Variants in LRBA observed in about 807,000 individuals in gnomAD.
LRBA encodes lipopolysaccharide-responsive and beige-like anchor protein.
In LRBA, 176 loss-of-function variants were observed where a neutral mutation model predicts 330.0. That is an observed-to-expected ratio of 0.53 (90% confidence interval 0.47 to 0.60). The LOEUF (loss-of-function observed/expected upper bound fraction) is 0.60. Among genes scored for constraint, LRBA ranks in the 20% least tolerant of loss-of-function variants. LRBA has a pLI of 0.00. For synonymous variants in LRBA, 1,230 were observed against 1,193.0 expected, an observed-to-expected ratio of 1.03 and a Z score of -0.64; for missense variants, 3,259 against 3,444.8, an observed-to-expected ratio of 0.95 and a Z score of 1.35.
intron 36 of LRBA, among the ~76,000 whole-genome samples, chr4:150,723,288 A>G (rs187510601): frequency 6.6e-6 from 1 of 152,296 alleles, no homozygotes; most frequent in East Asian, 1.9e-4. Context: ...TAGCAATGAA[A>G]GTTACTCCTT....
chr4:150,552,987 T>C (rs1320476798), intron 40 of LRBA, among the ~76,000 whole-genome samples: 1 of 150,634 alleles, frequency 6.6e-6, no homozygotes, highest in African/African-American at 2.5e-5. Context: ...GAGAATGGCA[T>C]GAACCCGGGA....
chr4:150,404,832 GA>G (rs2151935130), intron 47 of LRBA, among the ~76,000 whole-genome samples: 1 of 152,262 alleles, frequency 6.6e-6, no homozygotes, highest in South Asian at 2.1e-4. Flanking sequence ...TTCTACCATG[GA>G]TGTAGCATAT....
intron 34 of LRBA, among the ~76,000 whole-genome samples, chr4:150,769,746 G>A (rs1736297273): frequency 6.6e-6 from 1 of 152,190 alleles, no homozygotes; most frequent in Non-Finnish European, 1.5e-5. Context: ...TAAACAGCCT[G>A]TGACCCAAAT....
intron 37 of LRBA, among the ~76,000 whole-genome samples, chr4:150,677,894 AG>A (rs1782706128): frequency 2.0e-5 from 3 of 152,136 alleles, no homozygotes; most frequent in African/African-American, 4.8e-5. Flanking sequence ...GCCTGTAATT[AG>A]TACATCACAA....
chr4:150,423,269 C>G (rs1240131847), intron 46 of LRBA: 1 of 947,800 alleles, frequency 1.1e-6, no homozygotes, highest in East Asian at 2.4e-5. Context: ...CTCCCAGCAT[C>G]TCCTGTAGGG....
chr4:150,684,669 G>A (rs1393350854), intron 36 of LRBA, among the ~76,000 whole-genome samples: 1 of 152,090 alleles, frequency 6.6e-6, no homozygotes, highest in African/African-American at 2.4e-5. Flanking sequence ...TTAAGGCATT[G>A]TTTAAAATAA....
intron 15 of LRBA, 38 bp from the exon 16 acceptor site, chr4:150,896,494 TA>T (rs753459999): frequency 1.2e-5 from 13 of 1,073,344 alleles, no homozygotes; most frequent in South Asian, 5.8e-5. Flanking sequence ...CGTTTACATG[TA>T]AAAAAATGTT....
At chr4:150,463,096 A>C (rs1406096596) in intron 44 of LRBA, among the ~76,000 whole-genome samples, 1 of 151,998 alleles carries the variant, frequency 6.6e-6, no homozygotes, top group Admixed American at 6.6e-5. Context: ...GTGCTTGATT[A>C]TTTCACTAAA....
chr4:150,312,444 C>T (rs1731194052), intron 51 of LRBA, among the ~76,000 whole-genome samples: 2 of 151,736 alleles, frequency 1.3e-5, no homozygotes, highest in Admixed American at 6.6e-5. Flanking sequence ...CCTTTCTTAC[C>T]TCTTCTTTCT....
At chr4:150,266,335 G>A (rs777428967) in intron 56 of LRBA, among the ~76,000 whole-genome samples, 23 of 152,212 alleles carry the variant, frequency 1.5e-4, no homozygotes, top group Non-Finnish European at 2.9e-4. Flanking sequence ...CCCCTCTGTG[G>A]AGAAGTAGTC....
chr4:150,559,701 T>G (rs1767897053), intron 40 of LRBA, among the ~76,000 whole-genome samples: 1 of 90,248 alleles, frequency 1.1e-5, no homozygotes, highest in Middle Eastern at 4.4e-3. Flanking sequence ...ATATATTATA[T>G]ATTATATAAT....
chr4:150,896,582 C>A, intron 15 of LRBA, 126 bp from the exon 16 acceptor site: 1 of 509,756 alleles, frequency 2.0e-6, no homozygotes, highest in Non-Finnish European at 3.4e-6. Context: ...AATAGACAAT[C>A]TAAATTTAAA....
At chr4:150,693,540 G>A (rs1326213053) in intron 36 of LRBA, among the ~76,000 whole-genome samples, 1 of 116,670 alleles carries the variant, frequency 8.6e-6, no homozygotes, top group Non-Finnish European at 1.7e-5. Context: ...CTCCAGCCTG[G>A]GTGACAGAGC....
At chr4:150,588,328 T>G in intron 39 of LRBA, 144 bp from the exon 40 acceptor site, 1 of 710,782 alleles carries the variant, frequency 1.4e-6, no homozygotes, top group Non-Finnish European at 2.1e-6. Flanking sequence ...AAATATTCTG[T>G]CCACCCCAAA....
chr4:150,767,980 C>G (rs1484423144), intron 34 of LRBA, among the ~76,000 whole-genome samples: 1 of 146,158 alleles, frequency 6.8e-6, no homozygotes, highest in Non-Finnish European at 1.5e-5. Context: ...AGAAGAATCA[C>G]TTAAACCTGG....
chr4:150,925,046 C>T (rs563300865), intron 4 of LRBA, among the ~76,000 whole-genome samples: 23 of 151,668 alleles, frequency 1.5e-4, no homozygotes, highest in Non-Finnish European at 2.7e-4. Context: ...GGCACATGTC[C>T]GTGGTCCCAG....
At chr4:150,381,364 C>G (rs972266224) in intron 47 of LRBA, among the ~76,000 whole-genome samples, 1 of 152,206 alleles carries the variant, frequency 6.6e-6, no homozygotes, top group Non-Finnish European at 1.5e-5. Flanking sequence ...CCATTTCCCT[C>G]ACCCTCACAC....
intron 37 of LRBA, among the ~76,000 whole-genome samples, chr4:150,645,640 G>A (rs1779057147): frequency 6.6e-6 from 1 of 151,898 alleles, no homozygotes; most frequent in Admixed American, 6.6e-5. Flanking sequence ...GTAACGGTAT[G>A]CTAAAAGGCA....
chr4:150,394,759 T>G (rs1334489886), intron 47 of LRBA, among the ~76,000 whole-genome samples: 1 of 152,196 alleles, frequency 6.6e-6, no homozygotes, highest in African/African-American at 2.4e-5. Context: ...AATAGAATGT[T>G]GAAAACAGAA....
Sources: allele counts gnomAD v4.1 joint callset (sites outside exome capture counted in the v4.1 genomes callset), GRCh38; gene constraint gnomAD v4.1.1; transcripts MANE v1.5; gene names NCBI Gene and HGNC (gene_info 2026-07-23, HGNC 2026-07-21).